RABGAP1L: variants seen among roughly 807,000 people sequenced by gnomAD.
RABGAP1L encodes rab GTPase-activating protein 1-like.
RABGAP1L carries 63 observed loss-of-function variants against 137.7 expected under a neutral mutation model. That is an observed-to-expected ratio of 0.46 (90% CI 0.37 to 0.56). RABGAP1L has a LOEUF of 0.56. RABGAP1L is among the 20% of genes least tolerant of loss of function. RABGAP1L has a pLI of 0.00. For synonymous variants in RABGAP1L, 431 were observed against 433.7 expected, an observed-to-expected ratio of 0.99 and a Z score of 0.08; for missense variants, 1,095 against 1,244.0, an observed-to-expected ratio of 0.88 and a Z score of 1.80.
chr1:174,926,468 T>A (rs986514651), intron 19 of RABGAP1L, among the ~76,000 whole-genome samples: 1 of 152,196 alleles, frequency 6.6e-6, no homozygotes, highest in African/African-American at 2.4e-5. Context: ...TGCATAGAGG[T>A]TTTATCATTA....
intron 11 of RABGAP1L, among the ~76,000 whole-genome samples, chr1:174,350,066 G>T: frequency 1.5e-5 from 2 of 135,754 alleles, no homozygotes; most frequent in Admixed American, 7.0e-5. Context: ...CTCCCGGACG[G>T]GGCGGCTGGC....
intron 17 of RABGAP1L, among the ~76,000 whole-genome samples, chr1:174,716,014 A>G (rs1456458082): frequency 1.3e-5 from 2 of 152,258 alleles, no homozygotes; most frequent in Non-Finnish European, 2.9e-5. Flanking sequence ...TAATATTTGC[A>G]TATAACCTAA....
At chr1:174,232,410 G>A (rs907867651) in intron 4 of RABGAP1L, among the ~76,000 whole-genome samples, 4 of 150,592 alleles carry the variant, frequency 2.7e-5, no homozygotes, top group East Asian at 2.0e-4. Context: ...GCTCAAACTC[G>A]GGAGATGGAG....
intron 17 of RABGAP1L, among the ~76,000 whole-genome samples, chr1:174,727,342 A>G (rs1252168124): frequency 6.6e-6 from 1 of 152,224 alleles, no homozygotes; most frequent in Non-Finnish European, 1.5e-5. Context: ...TCAAAATGTT[A>G]GCATGCATTT....
intron 4 of RABGAP1L, among the ~76,000 whole-genome samples, chr1:174,238,555 G>A (rs1671443575): frequency 6.6e-6 from 1 of 152,032 alleles, no homozygotes; most frequent in Admixed American, 6.5e-5. Context: ...CCTCTGCTGG[G>A]GGGTGCCTCC....
At chr1:174,931,366 T>G (rs1288966312) in intron 19 of RABGAP1L, among the ~76,000 whole-genome samples, 1 of 152,226 alleles carries the variant, frequency 6.6e-6, no homozygotes, top group Non-Finnish European at 1.5e-5. Context: ...AAGTCATTCC[T>G]TATGACTTCC....
chr1:174,403,223 GTGTGTGTGTGTGTGTGTGTGTGTGTATA>G (rs1386956350), intron 13 of RABGAP1L, among the ~76,000 whole-genome samples: 1 of 124,662 alleles, frequency 8.0e-6, no homozygotes, highest in African/African-American at 4.0e-5. Flanking sequence ...GTGTGTGTGT[GTGTGTGTGTGTGTGTGTGTGTGTGTATA>G]TATATGTGTA....
intron 11 of RABGAP1L, among the ~76,000 whole-genome samples, chr1:174,349,674 G>T (rs1389839111): frequency 3.0e-5 from 4 of 131,840 alleles, no homozygotes; most frequent in Non-Finnish European, 6.6e-5. Flanking sequence ...GCGGCTGGCC[G>T]GGCGTGGGGC....
chr1:174,732,208 A>T (rs1419681252), intron 17 of RABGAP1L, among the ~76,000 whole-genome samples: 1 of 151,894 alleles, frequency 6.6e-6, no homozygotes, highest in Admixed American at 6.6e-5. Context: ...CCCCAAAAAA[A>T]AAAAACATGG....
chr1:174,860,112 G>A (rs61828118), intron 19 of RABGAP1L, among the ~76,000 whole-genome samples: 8 of 151,866 alleles, frequency 5.3e-5, no homozygotes, highest in Non-Finnish European at 1.2e-4. Flanking sequence ...CACAAATGTA[G>A]GTTCTTTATG....
intron 19 of RABGAP1L, among the ~76,000 whole-genome samples, chr1:174,921,493 C>A (rs941918247): frequency 6.6e-6 from 1 of 152,212 alleles, no homozygotes; most frequent in Non-Finnish European, 1.5e-5. Context: ...AATACCTCCA[C>A]ATGGGCATAC....
At chr1:174,176,411 A>G (rs1356588488) in intron 1 of RABGAP1L, among the ~76,000 whole-genome samples, 2 of 152,134 alleles carry the variant, frequency 1.3e-5, no homozygotes, top group Non-Finnish European at 2.9e-5. Flanking sequence ...ATCTTATTAT[A>G]CAATATAAAG....
intron 15 of RABGAP1L, among the ~76,000 whole-genome samples, chr1:174,695,739 C>T (rs942848458): frequency 2.0e-5 from 3 of 152,148 alleles, no homozygotes; most frequent in Admixed American, 2.0e-4. Flanking sequence ...TATTTTTACC[C>T]GTCCTTCTTG....
chr1:174,809,657 T>C (rs147186265), intron 18 of RABGAP1L, among the ~76,000 whole-genome samples: 1 of 152,288 alleles, frequency 6.6e-6, no homozygotes, highest in East Asian at 1.9e-4. Context: ...GGACTTTCGG[T>C]AGTGAGGAAA....
At chr1:174,655,959 T>C (rs1675936678) in intron 14 of RABGAP1L, among the ~76,000 whole-genome samples, 1 of 152,230 alleles carries the variant, frequency 6.6e-6, no homozygotes, top group African/African-American at 2.4e-5. Context: ...TTGTTTCCTT[T>C]AGTCAAAATA....
At chr1:174,413,143 C>G (rs779355392) in intron 13 of RABGAP1L, among the ~76,000 whole-genome samples, 1 of 152,054 alleles carries the variant, frequency 6.6e-6, no homozygotes, top group Non-Finnish European at 1.5e-5. Flanking sequence ...TTATCAAAGA[C>G]TTTGTTCATT....
At chr1:174,826,979 A>G (rs1159737987) in intron 19 of RABGAP1L, among the ~76,000 whole-genome samples, 1 of 152,194 alleles carries the variant, frequency 6.6e-6, no homozygotes, top group Non-Finnish European at 1.5e-5. Flanking sequence ...GCTTTCTCAC[A>G]GTTCTGAAGG....
intron 19 of RABGAP1L, among the ~76,000 whole-genome samples, chr1:174,850,609 G>A (rs1177663400): frequency 1.3e-5 from 2 of 152,170 alleles, no homozygotes; most frequent in African/African-American, 4.8e-5. Context: ...TTCAGTAAAT[G>A]TAGTAGGCAT....
chr1:174,611,435 A>G (rs958274145), intron 13 of RABGAP1L, among the ~76,000 whole-genome samples: 2 of 151,250 alleles, frequency 1.3e-5, no homozygotes, highest in African/African-American at 2.4e-5. Context: ...TGGTACCACT[A>G]CCATGCTGTT....
Sources: gnomAD v4.1 joint callset for allele counts (sites outside exome capture counted in the v4.1 genomes callset) on GRCh38, gnomAD v4.1.1 for gene constraint, MANE v1.5 for transcripts, NCBI Gene and HGNC (gene_info 2026-07-23, HGNC 2026-07-21) for gene names.